PIK3R1: variants seen among roughly 807,000 people sequenced by gnomAD.
The protein encoded by PIK3R1 is phosphoinositide-3-kinase regulatory subunit 1, also known as phosphatidylinositol 3-kinase regulatory subunit alpha.
In PIK3R1, 29 loss-of-function variants were observed where a neutral mutation model predicts 98.0. The observed-to-expected ratio is 0.30, with a 90% CI of 0.22 to 0.40. The LOEUF is 0.40. PIK3R1 is among the 10% of genes least tolerant of loss of function. PIK3R1 has a pLI of 1.00. For synonymous variants in PIK3R1, 282 were observed against 311.8 expected, an observed-to-expected ratio of 0.90 and a Z score of 1.01; for missense variants, 596 against 872.7, an observed-to-expected ratio of 0.68 and a Z score of 3.99.
chr5:68,245,443 C>T (rs774846836), intron 2 of PIK3R1, among the ~76,000 whole-genome samples: 1 of 152,090 alleles, frequency 6.6e-6, no homozygotes, highest in African/African-American at 2.4e-5. Flanking sequence ...CACTTTTGTT[C>T]TTTTCCATTC....
At chr5:68,255,365 A>C (rs1745468209) in intron 2 of PIK3R1, among the ~76,000 whole-genome samples, 1 of 152,232 alleles carries the variant, frequency 6.6e-6, no homozygotes. Flanking sequence ...TTCATTCTCC[A>C]CTAAGCTATA....
Position 68,296,267 on chromosome 5 carries a change from G to A in PIK3R1, c.1911G>A (p.Leu637=), listed in dbSNP as rs757435264. 32 of 1,614,108 alleles carry A rather than the reference G, an allele frequency of 2.0e-5. No homozygotes were observed. Among genetic ancestry groups the A allele is most frequent in the Non-Finnish European group, 2.7e-5 (32 of 1,180,048 alleles). Residue 637 remains leucine, a synonymous_variant, in exon 15 of 16, where the codon CTG becomes CTA. Coordinates refer to ENST00000521381, the MANE Select transcript of PIK3R1 (RefSeq NM_181523.3). ...GCAACCGAAACAAAGCTGAAAACCTGTTGCGAGGGAAGCGAGATGGCACTT... is the reference window on the plus strand; with the variant it reads ...GCAACCGAAACAAAGCTGAAAACCTATTGCGAGGGAAGCGAGATGGCACTT... ...GSSNRNKAEN[L]LRGKRDGTFL...
At chr5:68,281,571 A>G (rs1746842394) in intron 7 of PIK3R1, among the ~76,000 whole-genome samples, 1 of 152,330 alleles carries the variant, frequency 6.6e-6, no homozygotes. Context: ...CATGTTAGCA[A>G]TGCATTTAAT....
chr5:68,262,818 GATAC>G (rs1745882876), intron 2 of PIK3R1, among the ~76,000 whole-genome samples: 1 of 94,956 alleles, frequency 1.1e-5, no homozygotes, highest in Non-Finnish European at 2.1e-5. Context: ...TATACATGTA[GATAC>G]ATGTAGATAC....
At chr5:68,237,111 T>G (rs1235420838) in intron 2 of PIK3R1, among the ~76,000 whole-genome samples, 1 of 152,252 alleles carries the variant, frequency 6.6e-6, no homozygotes, top group East Asian at 1.9e-4. Flanking sequence ...TATATCATTT[T>G]GATTAAAATG....
intron 2 of PIK3R1, among the ~76,000 whole-genome samples, chr5:68,227,902 G>C (rs941349951): frequency 1.3e-5 from 2 of 152,166 alleles, no homozygotes; most frequent in African/African-American, 4.8e-5. Flanking sequence ...TATTGGAGAT[G>C]GTCCATACTT....
At chr5:68,288,962 C>T (rs1281517398) in intron 7 of PIK3R1, among the ~76,000 whole-genome samples, 1 of 152,074 alleles carries the variant, frequency 6.6e-6, no homozygotes, top group Non-Finnish European at 1.5e-5. Context: ...TAAGAAGGTA[C>T]TAATTACAAC....
intron 2 of PIK3R1, among the ~76,000 whole-genome samples, chr5:68,233,405 C>G (rs560312797): frequency 6.6e-6 from 1 of 152,212 alleles, no homozygotes; most frequent in South Asian, 2.1e-4. Flanking sequence ...GTTTTGAGGT[C>G]TTGAGTTTAT....
chr5:68,238,111 A>G lies in PIK3R1; in HGVS notation c.334+11102A>G, dbSNP rs190782405. ...CCTGTGTTCACTGAGGGTTTTGAGT[A>G]TTACAGGCTCTCCATCACTCAGAGC... On this transcript the variant is annotated intron_variant, in intron 2 of 15. Coordinates refer to ENST00000521381, the MANE Select transcript of PIK3R1 (RefSeq NM_181523.3). Among the ~76,000 whole-genome samples the G allele has an allele frequency of 9.2e-5, 14 of 152,376 alleles. No individual in the cohort carries two copies. The East Asian group carries it at 2.7e-3, about 29-fold the overall frequency.
chr5:68,274,139 C>A, intron 4 of PIK3R1, 126 bp downstream of exon 4: 1 of 767,766 alleles, frequency 1.3e-6, no homozygotes, highest in South Asian at 1.5e-5. Flanking sequence ...GAACTCAAAT[C>A]ATGTACAGTT....
At chr5:68,279,476 A>G in intron 4 of PIK3R1, 126 bp from the exon 5 acceptor site, 2 of 717,370 alleles carry the variant, frequency 2.8e-6, no homozygotes, top group Non-Finnish European at 2.3e-6. Context: ...TCTTGTATTT[A>G]TCCTCATATT....
intron 8 of PIK3R1, chr5:68,292,678 C>T (rs768837947): frequency 9.3e-6 from 12 of 1,292,238 alleles, no homozygotes; most frequent in African/African-American, 1.5e-5. Context: ...TTGCCTTAAA[C>T]ACAATAAGAA....
intron 14 of PIK3R1, 61 bp from the exon 15 acceptor site, chr5:68,296,110 G>A: frequency 1.3e-6 from 2 of 1,536,028 alleles, no homozygotes; most frequent in Middle Eastern, 3.5e-4. Flanking sequence ...AGGGAAGACA[G>A]CAAGGCAGGC....
rs189230392 is a variant in PIK3R1, at chr5:68,286,646, G to A, written c.917-5613G>A. Among the ~76,000 whole-genome samples the A allele has an allele frequency of 5.6e-3, 851 of 152,326 alleles. 4 individuals carry two copies. The highest frequency in any genetic ancestry group is 7.7e-3 in the Non-Finnish European group (521 of 68,012). Reference sequence around the variant, plus strand: ...TGGTAGATGATTGTACATATTGTGAGAAATTTGTTTAAGGCAAAGTTTTTC... The same window carrying A: ...TGGTAGATGATTGTACATATTGTGAAAAATTTGTTTAAGGCAAAGTTTTTC... On this transcript the variant is annotated intron_variant, in intron 7 of 15. Coordinates refer to ENST00000521381, the MANE Select transcript of PIK3R1 (RefSeq NM_181523.3).
intron 2 of PIK3R1, among the ~76,000 whole-genome samples, chr5:68,234,833 G>A (rs866144191): frequency 8.5e-5 from 13 of 152,158 alleles, no homozygotes; most frequent in Non-Finnish European, 1.2e-4. Context: ...AGGCTGCATT[G>A]TGAAGTCAGA....
chr5:68,251,421 T>A (rs1222241132), intron 2 of PIK3R1, among the ~76,000 whole-genome samples: 4 of 151,750 alleles, frequency 2.6e-5, no homozygotes, highest in African/African-American at 9.7e-5. Flanking sequence ...TTTAAAAAAA[T>A]AATAATTTTT....
At chr5:68,277,919 A>G (rs369961332) in intron 4 of PIK3R1, among the ~76,000 whole-genome samples, 1 of 152,186 alleles carries the variant, frequency 6.6e-6, no homozygotes, top group Non-Finnish European at 1.5e-5. Context: ...CAAACGTAGT[A>G]TCTTGCCCAT....
chr5:68,288,002 G>C (rs1332866727), intron 7 of PIK3R1, among the ~76,000 whole-genome samples: 1 of 152,218 alleles, frequency 6.6e-6, no homozygotes, highest in Non-Finnish European at 1.5e-5. Flanking sequence ...GGAGGTGCAA[G>C]AGGTGGACAC....
chr5:68,230,533 G>T (rs953567468), intron 2 of PIK3R1, among the ~76,000 whole-genome samples: 1 of 152,212 alleles, frequency 6.6e-6, no homozygotes, highest in Non-Finnish European at 1.5e-5. Context: ...CAGCTTATTT[G>T]TTATCCACAT....
Sources: gnomAD v4.1 joint callset for allele counts (sites outside exome capture counted in the v4.1 genomes callset) on GRCh38, gnomAD v4.1.1 for gene constraint, MANE v1.5 for transcripts, NCBI Gene and HGNC (gene_info 2026-07-23, HGNC 2026-07-21) for gene names.